The following GRK3 variants were observed in gnomAD, a reference collection of about 807,000 sequenced individuals.
The protein encoded by GRK3 is adrenergic, beta, receptor kinase 2.
In GRK3, 54 loss-of-function variants were observed where a neutral mutation model predicts 95.7. That is an observed-to-expected ratio of 0.56 (90% CI 0.45 to 0.71). GRK3 has a LOEUF of 0.71. Ranked by LOEUF, GRK3 falls within the 30% of genes least tolerant of loss-of-function variation. The probability of loss-of-function intolerance (pLI) is 0.00; values close to 1 mark genes in which losing one functional copy is unlikely to be tolerated. For synonymous variants in GRK3, 281 were observed against 290.8 expected, an observed-to-expected ratio of 0.97 and a Z score of 0.34; for missense variants, 649 against 851.2, an observed-to-expected ratio of 0.76 and a Z score of 2.96.
intron 2 of GRK3, among the ~76,000 whole-genome samples, chr22:25,624,172 G>A (rs149329050): frequency 1.7e-3 from 265 of 152,126 alleles, no homozygotes; most frequent in African/African-American, 6.0e-3. Flanking sequence ...TCATGCTCCT[G>A]GCACCCCGCA....
intron 10 of GRK3, among the ~76,000 whole-genome samples, chr22:25,687,138 G>GT (rs983159032): frequency 2.8e-4 from 42 of 150,584 alleles, no homozygotes; most frequent in Non-Finnish European, 5.0e-4. Context: ...TTTTTTGTTT[G>GT]TTTTTTTGTT....
chr22:25,708,566 C>T (rs1421640695), intron 15 of GRK3, among the ~76,000 whole-genome samples: 1 of 152,108 alleles, frequency 6.6e-6, no homozygotes, highest in Non-Finnish European at 1.5e-5. Context: ...AGAAGCAGCC[C>T]TGAGCTGTGT....
chr22:25,680,637 A>T (rs1435422874), intron 9 of GRK3, among the ~76,000 whole-genome samples: 2 of 152,214 alleles, frequency 1.3e-5, no homozygotes, highest in African/African-American at 4.8e-5. Flanking sequence ...AGAGTAAATT[A>T]AAAAATTAGG....
chr22:25,586,087 A>G (rs1461586823), intron 1 of GRK3, among the ~76,000 whole-genome samples: 1 of 152,250 alleles, frequency 6.6e-6, no homozygotes, highest in Non-Finnish European at 1.5e-5. Context: ...TGACATGAAT[A>G]TGCTTATATC....
chr22:25,587,323 G>A (rs113867773), intron 1 of GRK3, among the ~76,000 whole-genome samples: 11 of 152,286 alleles, frequency 7.2e-5, no homozygotes, highest in African/African-American at 2.2e-4. Flanking sequence ...CTCTAATAAT[G>A]CCACAGCCAT....
At position 25,719,359 on chromosome 22, in the gene GRK3, G is replaced by A. The variant is rs1445137158; in HGVS notation, c.1791+978G>A. ...CAGACCAGGTCATCCTGTGCCCTCAGTCTCTCCATTGTACGGCCTCTCCTA... is the reference window on the plus strand; with the variant it reads ...CAGACCAGGTCATCCTGTGCCCTCAATCTCTCCATTGTACGGCCTCTCCTA... On this transcript the variant is annotated intron_variant, in intron 19 of 20. Coordinates refer to ENST00000324198, the MANE Select transcript of GRK3 (RefSeq NM_005160.4). Among the ~76,000 whole-genome samples, 12 of 152,302 alleles carry A rather than the reference G, an allele frequency of 7.9e-5. No homozygotes were observed. The East Asian group carries it at 2.3e-3, about 29-fold the overall frequency.
At chr22:25,708,589 A>G (rs1209005652) in intron 15 of GRK3, among the ~76,000 whole-genome samples, 2 of 151,952 alleles carry the variant, frequency 1.3e-5, no homozygotes, top group Non-Finnish European at 2.9e-5. Context: ...CAGGATGTGG[A>G]GAGATAGAAA....
intron 1 of GRK3, among the ~76,000 whole-genome samples, chr22:25,603,117 A>G (rs2084420288): frequency 6.6e-6 from 1 of 152,130 alleles, no homozygotes; most frequent in South Asian, 2.1e-4. Flanking sequence ...GGGTTTTACC[A>G]TGTGGGCCAG....
chr22:25,580,839 G>A (rs1427241531), intron 1 of GRK3, among the ~76,000 whole-genome samples: 10 of 152,176 alleles, frequency 6.6e-5, no homozygotes, highest in Non-Finnish European at 1.5e-4. Flanking sequence ...ATAAAGGTGG[G>A]ATAAGTCGAG....
chr22:25,639,317 A>G (rs905576637), intron 2 of GRK3, among the ~76,000 whole-genome samples: 1 of 152,178 alleles, frequency 6.6e-6, no homozygotes, highest in Non-Finnish European at 1.5e-5. Flanking sequence ...TTATAATTTT[A>G]GCCTTCACAT....
chr22:25,671,288 C>T (rs1408285553), intron 6 of GRK3, among the ~76,000 whole-genome samples: 2 of 151,732 alleles, frequency 1.3e-5, no homozygotes, highest in Admixed American at 1.3e-4. Flanking sequence ...TGCAGTAAGC[C>T]GAGATGGCGC....
intron 13 of GRK3, among the ~76,000 whole-genome samples, chr22:25,698,235 G>A (rs1053046094): frequency 1.3e-5 from 2 of 150,456 alleles, no homozygotes; most frequent in African/African-American, 4.9e-5. Flanking sequence ...GAAGAAGAGG[G>A]AAGAAAGGGA....
At chr22:25,649,351 A>G in intron 3 of GRK3, 5 of 609,910 alleles carry the variant, frequency 8.2e-6, no homozygotes, top group Non-Finnish European at 1.4e-5. Context: ...TTAATGGTAA[A>G]CTGGAGTCCC....
chr22:25,703,812 C>T (rs948388214), intron 14 of GRK3, among the ~76,000 whole-genome samples: 1 of 152,024 alleles, frequency 6.6e-6, no homozygotes, highest in Non-Finnish European at 1.5e-5. Context: ...TACTAACGAA[C>T]AGTATGAGGA....
intron 1 of GRK3, among the ~76,000 whole-genome samples, chr22:25,567,190 C>A (rs1220493917): frequency 3.9e-5 from 6 of 152,096 alleles, no homozygotes; most frequent in Non-Finnish European, 8.8e-5. Context: ...GGAAACAGCC[C>A]TTCAGTAATT....
At chr22:25,691,873 G>A (rs2085167323) in intron 12 of GRK3, among the ~76,000 whole-genome samples, 1 of 152,210 alleles carries the variant, frequency 6.6e-6, no homozygotes, top group Non-Finnish European at 1.5e-5. Flanking sequence ...AACAGCATCT[G>A]TAAAGAGGTA....
intron 1 of GRK3, among the ~76,000 whole-genome samples, chr22:25,586,713 A>G (rs1422889158): frequency 1.3e-5 from 2 of 152,236 alleles, no homozygotes; most frequent in African/African-American, 4.8e-5. Flanking sequence ...ATTAGAGGGA[A>G]TGGTATTTAC....
intron 17 of GRK3, among the ~76,000 whole-genome samples, chr22:25,713,123 G>C (rs969888204): frequency 6.6e-6 from 1 of 152,332 alleles, no homozygotes; most frequent in African/African-American, 2.4e-5. Flanking sequence ...CTATTAAACA[G>C]AGTTGGCCAT....
intron 6 of GRK3, among the ~76,000 whole-genome samples, chr22:25,670,879 TAC>T (rs1183099994): frequency 2.9e-5 from 1 of 34,314 alleles, no homozygotes; most frequent in Non-Finnish European, 5.9e-5. Context: ...CTACTAAAAA[TAC>T]AAAAAAAAAA....
Sources: gnomAD v4.1 joint callset for allele counts (sites outside exome capture counted in the v4.1 genomes callset) on GRCh38, gnomAD v4.1.1 for gene constraint, MANE v1.5 for transcripts, NCBI Gene and HGNC (gene_info 2026-07-23, HGNC 2026-07-21) for gene names.